FMN1: variants seen among roughly 807,000 people sequenced by gnomAD.
FMN1 encodes the protein formin-1.
FMN1 carries 110 observed loss-of-function variants against 132.4 expected under a neutral mutation model. The ratio of observed to expected loss-of-function variants is 0.83; its 90% CI spans 0.71 to 0.97. The LOEUF is 0.97. Among genes scored for constraint, FMN1 ranks in the 50% least tolerant of loss-of-function variants. The pLI is 0.00. For synonymous variants in FMN1, 722 were observed against 651.7 expected (o/e 1.11, Z -1.64); for missense variants, 1,792 against 1,705.3 (o/e 1.05, Z -0.90).
At chr15:33,182,875 G>A (rs1301322428) in intron 2 of FMN1, among the ~76,000 whole-genome samples, 1 of 152,168 alleles carries the variant, frequency 6.6e-6, no homozygotes, top group African/African-American at 2.4e-5. Context: ...ACTTGTGGCA[G>A]GGATTATGAT....
intron 7 of FMN1, among the ~76,000 whole-genome samples, chr15:32,988,961 C>T (rs962885275): frequency 1.3e-5 from 2 of 152,164 alleles, no homozygotes; most frequent in Non-Finnish European, 2.9e-5. Flanking sequence ...GATAAATGCA[C>T]ATTTAAGACA....
chr15:33,083,993 G>C (rs1054879707), intron 5 of FMN1, among the ~76,000 whole-genome samples: 2 of 152,152 alleles, frequency 1.3e-5, no homozygotes, highest in Admixed American at 1.3e-4. Flanking sequence ...GTCATGTTGG[G>C]AAGTTTGCTT....
intron 9 of FMN1, among the ~76,000 whole-genome samples, chr15:32,930,575 C>A (rs1470178870): frequency 6.6e-6 from 1 of 151,992 alleles, no homozygotes; most frequent in Non-Finnish European, 1.5e-5. Context: ...AAGTCTTTAG[C>A]CCATTTTTAT....
intron 3 of FMN1, among the ~76,000 whole-genome samples, chr15:33,157,279 A>C (rs2140293134): frequency 6.6e-6 from 1 of 151,900 alleles, no homozygotes; most frequent in Admixed American, 6.6e-5. Context: ...AAAAAAAAAA[A>C]AATTCAGAAT....
chr15:33,085,387 A>C (rs1204288820), intron 5 of FMN1, among the ~76,000 whole-genome samples: 1 of 152,138 alleles, frequency 6.6e-6, no homozygotes, highest in Non-Finnish European at 1.5e-5. Flanking sequence ...CACAGGGCCC[A>C]AACTATAAAA....
chr15:33,140,705 T>C (rs1352364602), intron 4 of FMN1, among the ~76,000 whole-genome samples: 1 of 152,176 alleles, frequency 6.6e-6, no homozygotes, highest in Admixed American at 6.5e-5. Context: ...GTTGGAGAGC[T>C]TTATGGAAAA....
chr15:32,817,216 C>T (rs1054826084), intron 17 of FMN1, among the ~76,000 whole-genome samples: 2 of 152,172 alleles, frequency 1.3e-5, no homozygotes, highest in Non-Finnish European at 2.9e-5. Context: ...AATGAATAGA[C>T]TACCAGAACG....
At chr15:32,831,556 A>G (rs919848229) in intron 17 of FMN1, among the ~76,000 whole-genome samples, 1 of 152,016 alleles carries the variant, frequency 6.6e-6, no homozygotes, top group African/African-American at 2.4e-5. Flanking sequence ...AGGGGAGGAA[A>G]GTGTGTGTGG....
chr15:32,779,480 C>G (rs955034363), intron 19 of FMN1, among the ~76,000 whole-genome samples: 1 of 152,114 alleles, frequency 6.6e-6, no homozygotes, highest in Admixed American at 6.5e-5. Context: ...AGAAATTGGT[C>G]TAGTTGGGTT....
intron 4 of FMN1, among the ~76,000 whole-genome samples, chr15:33,124,883 T>TA (rs1962904454): frequency 2.0e-5 from 3 of 151,856 alleles, no homozygotes; most frequent in Admixed American, 6.6e-5. Context: ...AAACAAATCA[T>TA]AGAGCCTTGT....
chr15:32,904,959 G>C (rs970099874), intron 12 of FMN1, among the ~76,000 whole-genome samples: 1 of 152,172 alleles, frequency 6.6e-6, no homozygotes, highest in African/African-American at 2.4e-5. Context: ...CTTGGACACT[G>C]GGCCTTGGTA....
chr15:32,823,475 T>C (rs979574407), intron 17 of FMN1, among the ~76,000 whole-genome samples: 1 of 152,096 alleles, frequency 6.6e-6, no homozygotes, highest in Non-Finnish European at 1.5e-5. Flanking sequence ...AGAGTTTCTA[T>C]CGTTATTGCC....
chr15:32,798,180 ACACACAC>A (rs2057353141), intron 19 of FMN1, among the ~76,000 whole-genome samples: 18 of 149,068 alleles, frequency 1.2e-4, no homozygotes, highest in East Asian at 5.9e-4. Flanking sequence ...AGGAAAACGC[ACACACAC>A]ACACACACAC....
At chr15:33,075,748 G>A (rs1245081040) in intron 5 of FMN1, among the ~76,000 whole-genome samples, 1 of 152,140 alleles carries the variant, frequency 6.6e-6, no homozygotes, top group African/African-American at 2.4e-5. Context: ...ATGAGACTAG[G>A]TGCCTTAGCA....
chr15:32,823,318 T>C (rs371686673), intron 17 of FMN1, among the ~76,000 whole-genome samples: 308 of 151,956 alleles, frequency 2.0e-3, no homozygotes, highest in East Asian at 4.5e-3. Context: ...CCCACCACCA[T>C]GCCCAGTTAA....
chr15:33,121,607 C>T (rs145716074), intron 4 of FMN1, among the ~76,000 whole-genome samples: 2,743 of 152,316 alleles, frequency 0.018, 80 homozygotes, highest in African/African-American at 0.063. Flanking sequence ...TGGCTCACTG[C>T]AACCTCCACC....
intron 12 of FMN1, among the ~76,000 whole-genome samples, chr15:32,904,790 T>C (rs939916387): frequency 1.3e-5 from 2 of 152,214 alleles, no homozygotes; most frequent in African/African-American, 4.8e-5. Flanking sequence ...TCCTCTCTTA[T>C]TTATCTGCTA....
At chr15:33,048,186 T>C (rs1008180215) in intron 6 of FMN1, among the ~76,000 whole-genome samples, 12 of 152,190 alleles carry the variant, frequency 7.9e-5, no homozygotes, top group Non-Finnish European at 1.6e-4. Flanking sequence ...GTTAAATGCT[T>C]TAAGGTCATA....
intron 5 of FMN1, among the ~76,000 whole-genome samples, chr15:33,083,649 T>C (rs988645976): frequency 1.3e-5 from 2 of 152,180 alleles, no homozygotes; most frequent in Non-Finnish European, 2.9e-5. Flanking sequence ...AAATATCCTT[T>C]GTAATAAATT....
Sources: allele counts gnomAD v4.1 joint callset (sites outside exome capture counted in the v4.1 genomes callset), GRCh38; gene constraint gnomAD v4.1.1; transcripts MANE v1.5; gene names NCBI Gene and HGNC (gene_info 2026-07-23, HGNC 2026-07-21).